MTHFD1L: variants seen among roughly 807,000 people sequenced by gnomAD.
MTHFD1L encodes the protein monofunctional C1-tetrahydrofolate synthase, mitochondrial.
Under a neutral mutation model 119.5 loss-of-function variants are expected in MTHFD1L, and 81 were observed. That is an observed-to-expected ratio of 0.68 (90% CI 0.57 to 0.82). MTHFD1L has a LOEUF of 0.82. MTHFD1L is among the 40% of genes least tolerant of loss of function. The pLI is 0.00. For synonymous variants in MTHFD1L, 430 were observed against 475.2 expected, an observed-to-expected ratio of 0.90 and a Z score of 1.24; for missense variants, 1,125 against 1,253.4, an observed-to-expected ratio of 0.90 and a Z score of 1.55.
At chr6:151,056,156 G>A (rs1411518868) in intron 26 of MTHFD1L, 1 of 152,192 alleles carries the variant, frequency 6.6e-6, no homozygotes, top group African/African-American at 2.4e-5. Flanking sequence ...GTGGCATGGT[G>A]TGGATCCTGG....
chr6:150,888,553 AATT>A lies in MTHFD1L; in HGVS notation c.780+577_780+579del, dbSNP rs530496567. On this transcript the variant is annotated intron_variant, in intron 7 of 27. Coordinates refer to ENST00000367321, the MANE Select transcript of MTHFD1L (RefSeq NM_015440.5). The stretch of plus-strand genomic sequence containing the variant: ...TGAAAGTAATTATAATTTTGATGAA[AATT>A]ATTAAGAAGACCCATATAAAAGCAG... Among the ~76,000 whole-genome samples, 222 of 152,326 alleles carry A rather than the reference AATT, an allele frequency of 1.5e-3. 1 individual carries two copies. The highest frequency in any genetic ancestry group is 0.01 in the Middle Eastern group (3 of 294).
In MTHFD1L at chr6:151,057,364, G is replaced by C. The variant is rs1002057716; in HGVS notation, c.2847+20247G>C. 9.1e-6 allele frequency: 9 copies of C among 985,134 alleles called. No individual in the cohort carries two copies. In the African/African-American group the frequency reaches 1.6e-4, roughly 17 times the overall value. The allele number at this position is 985,134 out of a possible 1,614,324, so 61.0% of individuals were successfully genotyped here. ...GCTTTAAGGCCTGAGAGACCGGCCA[G>C]GTACTGTGGCTCACGTCTGTAATCC... On this transcript the variant is annotated intron_variant, in intron 26 of 27. Coordinates refer to ENST00000367321, the MANE Select transcript of MTHFD1L (RefSeq NM_015440.5).
intron 1 of MTHFD1L, chr6:150,866,494 C>A: frequency 3.0e-6 from 4 of 1,312,268 alleles, no homozygotes; most frequent in East Asian, 6.4e-5. Context: ...TCGGGAAGGG[C>A]AAGCGGAGCT....
intron 20 of MTHFD1L, among the ~76,000 whole-genome samples, chr6:150,992,701 G>A (rs375765053): frequency 3.7e-4 from 57 of 152,274 alleles, no homozygotes; most frequent in African/African-American, 1.3e-3. Context: ...GTGGGCCAGG[G>A]GCCTTACATT....
chr6:151,063,571 T>C (rs1452955769), intron 26 of MTHFD1L, among the ~76,000 whole-genome samples: 1 of 152,236 alleles, frequency 6.6e-6, no homozygotes, highest in Non-Finnish European at 1.5e-5. Context: ...ATGTGTCTTA[T>C]GCAGATGTAA....
At chr6:150,866,124 C>G in intron 1 of MTHFD1L, 75 bp downstream of exon 1, 3 of 1,447,678 alleles carry the variant, frequency 2.1e-6, no homozygotes, top group Non-Finnish European at 2.7e-6. Context: ...CGCCCGGGAC[C>G]GCCGTGGGGA....
At chr6:150,992,241 A>G (rs1045224087) in intron 20 of MTHFD1L, among the ~76,000 whole-genome samples, 2 of 152,224 alleles carry the variant, frequency 1.3e-5, no homozygotes, top group African/African-American at 4.8e-5. Context: ...ACTTCTGGGT[A>G]TGTCCACACT....
chr6:151,003,414 C>T (rs1172838932), intron 20 of MTHFD1L, among the ~76,000 whole-genome samples: 2 of 152,070 alleles, frequency 1.3e-5, no homozygotes, highest in Non-Finnish European at 2.9e-5. Context: ...TGCCTGTAGT[C>T]CCACCTACTC....
chr6:150,936,689 T>C, intron 11 of MTHFD1L, 115 bp from the exon 12 acceptor site: 1 of 1,253,752 alleles, frequency 8.0e-7, no homozygotes, highest in Non-Finnish European at 1.1e-6. Context: ...GAAAATTAAA[T>C]TATGGAGTGC....
chr6:150,924,577 A>G (rs1044676216), intron 10 of MTHFD1L, among the ~76,000 whole-genome samples: 6 of 152,164 alleles, frequency 3.9e-5, no homozygotes, highest in African/African-American at 1.4e-4. Flanking sequence ...CCCAGGTTCA[A>G]GTGATTGTCC....
At chr6:150,985,654 C>CT (rs1276931036) in intron 20 of MTHFD1L, among the ~76,000 whole-genome samples, 7 of 105,866 alleles carry the variant, frequency 6.6e-5, no homozygotes, top group African/African-American at 2.2e-4. Flanking sequence ...GAGTGAGACT[C>CT]TGTCTCAAAA....
intron 26 of MTHFD1L, among the ~76,000 whole-genome samples, chr6:151,040,827 G>A (rs1786983755): frequency 6.6e-6 from 1 of 152,148 alleles, no homozygotes; most frequent in African/African-American, 2.4e-5. Context: ...CCAACACTAG[G>A]TAAAGACCAA....
At chr6:150,961,445 CATTTTTGTAT>C (rs376343238) in intron 18 of MTHFD1L, among the ~76,000 whole-genome samples, 1 of 152,124 alleles carries the variant, frequency 6.6e-6, no homozygotes, top group African/African-American at 2.4e-5. Flanking sequence ...TGTTTGCTTG[CATTTTTGTAT>C]ATAAGTGCAT....
chr6:150,934,885 T>C, intron 11 of MTHFD1L: 4 of 1,488,962 alleles, frequency 2.7e-6, no homozygotes, highest in Non-Finnish European at 3.6e-6. Context: ...GGAGCAGTCT[T>C]ATAGCTGGAT....
chr6:150,875,617 C>A (rs887475415), intron 1 of MTHFD1L, among the ~76,000 whole-genome samples: 1 of 151,986 alleles, frequency 6.6e-6, no homozygotes, highest in East Asian at 1.9e-4. Context: ...TATCCTGTCT[C>A]GACACTTCTT....
chr6:150,883,404 T>C (rs1016535659), intron 5 of MTHFD1L, among the ~76,000 whole-genome samples: 7 of 152,168 alleles, frequency 4.6e-5, no homozygotes, highest in African/African-American at 1.7e-4. Flanking sequence ...TTATAGTGCT[T>C]CAATGCCATA....
At chr6:150,935,630 G>C in intron 11 of MTHFD1L, 1 of 1,238,990 alleles carries the variant, frequency 8.1e-7, no homozygotes, top group Admixed American at 2.3e-5. Context: ...ACAAATAGAA[G>C]AGTGTCTACA....
chr6:150,906,170 A>T lies in MTHFD1L; in HGVS notation c.892+409A>T, dbSNP rs1014134655. On this transcript the variant is annotated intron_variant, in intron 8 of 27. Transcript: ENST00000367321. ...GCGCCGGATTGTTGGGAGGGATGGG[A>T]ATAGGATCAGCCTGTGTGTCTCCCT... Among the ~76,000 whole-genome samples, 3 of 152,202 alleles carry T rather than the reference A, an allele frequency of 2.0e-5. No individual in the cohort carries two copies. In the South Asian group the frequency reaches 6.2e-4, roughly 31 times the overall value.
At chr6:151,055,094 C>G (rs1177618032) in intron 26 of MTHFD1L, 1 of 152,026 alleles carries the variant, frequency 6.6e-6, no homozygotes, top group Non-Finnish European at 1.5e-5. Flanking sequence ...GGTGAAACCT[C>G]ATTTCTACTA....
Sources: gnomAD v4.1 joint callset for allele counts (sites outside exome capture counted in the v4.1 genomes callset) on GRCh38, gnomAD v4.1.1 for gene constraint, MANE v1.5 for transcripts, NCBI Gene and HGNC (gene_info 2026-07-23, HGNC 2026-07-21) for gene names.